The following FYN variants were observed in gnomAD, a reference collection of about 807,000 sequenced individuals.
FYN encodes FYN proto-oncogene, Src family tyrosine kinase, also known as tyrosine-protein kinase Fyn.
FYN carries 10 observed loss-of-function variants against 70.2 expected under a neutral mutation model. The ratio of observed to expected loss-of-function variants is 0.14; its 90% CI spans 0.09 to 0.24. FYN has a LOEUF of 0.24. Among genes scored for constraint, FYN ranks in the 10% least tolerant of loss-of-function variants. The probability of loss-of-function intolerance (pLI) is 1.00; values close to 1 mark genes in which losing one functional copy is unlikely to be tolerated. For missense variants in FYN, 319 were observed against 673.1 expected (o/e 0.47, Z 5.82); for synonymous variants, 236 against 248.6 (o/e 0.95, Z 0.48).
At chr6:111,729,491 G>C (rs11153315) in intron 3 of FYN, among the ~76,000 whole-genome samples, 7 of 148,848 alleles carry the variant, frequency 4.7e-5, no homozygotes, top group Admixed American at 4.0e-4. Flanking sequence ...AAAAAAAGGG[G>C]GTCGGGGGTG....
intron 3 of FYN, among the ~76,000 whole-genome samples, chr6:111,757,782 A>G (rs1802805152): frequency 6.6e-6 from 1 of 152,236 alleles, no homozygotes; most frequent in Admixed American, 6.5e-5. Flanking sequence ...ACAGGATGTC[A>G]TTTAAATTCT....
At chr6:111,842,711 G>A (rs1193000451) in intron 2 of FYN, among the ~76,000 whole-genome samples, 3 of 152,168 alleles carry the variant, frequency 2.0e-5, no homozygotes, top group Non-Finnish European at 2.9e-5. Flanking sequence ...TGCGGACATG[G>A]CTTTAAAGCT....
At chr6:111,679,328 T>C (rs1434023248) in intron 12 of FYN, among the ~76,000 whole-genome samples, 2 of 152,186 alleles carry the variant, frequency 1.3e-5, no homozygotes, top group South Asian at 2.1e-4. Flanking sequence ...TTTGTAGTTG[T>C]CACTACTTTT....
rs141175881 is a variant in FYN, at chr6:111,772,409, G to C, written c.-12+8157C>G. Among the ~76,000 whole-genome samples, 758 of 152,278 alleles carry C rather than the reference G, an allele frequency of 5.0e-3. 1 individual carries two copies. The highest frequency in any genetic ancestry group is 0.024 in the Middle Eastern group (7 of 294). On this transcript the variant is annotated intron_variant, in intron 3 of 13. Transcript: ENST00000354650. Reference sequence around the variant, plus strand: ...ACTCAAGCCACTGGATGAAAGGAAGGCTGGAGCAGGATGTTCACAAATGAC... The same window carrying C: ...ACTCAAGCCACTGGATGAAAGGAAGCCTGGAGCAGGATGTTCACAAATGAC...
chr6:111,842,172 G>A (rs1470038831), intron 2 of FYN, among the ~76,000 whole-genome samples: 1 of 152,196 alleles, frequency 6.6e-6, no homozygotes, highest in Non-Finnish European at 1.5e-5. Context: ...CCAGCAGAAT[G>A]GGTCAATCTG....
rs1032547545 is a variant in FYN, at chr6:111,778,109, G to A, written c.-12+2457C>T. The stretch of plus-strand genomic sequence containing the variant: ...TCGTGGGCCAGACCTGTGGGGCAGC[G>A]TGTCTAATGCTGGCCTAGGTGCACA... On this transcript the variant is annotated intron_variant, in intron 3 of 13. Coordinates refer to ENST00000354650, the MANE Select transcript of FYN (RefSeq NM_002037.5). Among the ~76,000 whole-genome samples, 20 of 152,192 alleles carry A rather than the reference G, an allele frequency of 1.3e-4. No individual in the cohort carries two copies. The South Asian group carries it at 2.9e-3, about 22-fold the overall frequency.
intron 2 of FYN, among the ~76,000 whole-genome samples, chr6:111,839,354 C>T (rs1295508065): frequency 2.6e-5 from 4 of 152,102 alleles, no homozygotes; most frequent in South Asian, 4.2e-4. Flanking sequence ...TCCAGATCTC[C>T]TATGTAGCAT....
In FYN at chr6:111,747,351, G is replaced by A. The variant is rs1392613389; in HGVS notation, c.-11-27289C>T. On this transcript the variant is annotated intron_variant, in intron 3 of 13. Transcript: ENST00000354650. Reference sequence around the variant, plus strand: ...AGGGCTTATTAAGCAGAGCCAAGAGGCAAGTCAAGGAAAGAAGGGAGTTAA... The same window carrying A: ...AGGGCTTATTAAGCAGAGCCAAGAGACAAGTCAAGGAAAGAAGGGAGTTAA... 2.0e-5 allele frequency among the ~76,000 whole-genome samples: 3 copies of A among 152,320 alleles called. No homozygotes were observed. The East Asian group carries it at 5.8e-4, about 29-fold the overall frequency.
intron 8 of FYN, chr6:111,702,674 C>T (rs1023006226): frequency 1.4e-4 from 56 of 403,734 alleles, no homozygotes; most frequent in African/African-American, 6.2e-5. Flanking sequence ...ATAGAATCTT[C>T]GGACAAACAT....
chr6:111,688,757 GC>G (rs1344685317), intron 12 of FYN, among the ~76,000 whole-genome samples: 3 of 152,300 alleles, frequency 2.0e-5, no homozygotes, highest in East Asian at 3.9e-4. Flanking sequence ...AACAAGAGAG[GC>G]AGCGCAGAGG....
chr6:111,870,962 T>A (rs1774254064), intron 1 of FYN, among the ~76,000 whole-genome samples: 1 of 152,228 alleles, frequency 6.6e-6, no homozygotes, highest in African/African-American at 2.4e-5. Flanking sequence ...GCTTTTTTTA[T>A]CGTAAAAAGT....
At chr6:111,688,841 G>A (rs1168126632) in intron 12 of FYN, among the ~76,000 whole-genome samples, 1 of 152,196 alleles carries the variant, frequency 6.6e-6, no homozygotes, top group East Asian at 1.9e-4. Flanking sequence ...GACAGTGGAT[G>A]TGTGACTCCC....
chr6:111,845,472 C>T (rs1404103276), intron 2 of FYN, among the ~76,000 whole-genome samples: 3 of 152,196 alleles, frequency 2.0e-5, no homozygotes, highest in Admixed American at 1.3e-4. Flanking sequence ...GATCACAGGC[C>T]ATCCTGCAGA....
At chr6:111,677,211 TCTC>T (rs889388266) in intron 12 of FYN, among the ~76,000 whole-genome samples, 1 of 152,228 alleles carries the variant, frequency 6.6e-6, no homozygotes, top group Non-Finnish European at 1.5e-5. Flanking sequence ...TTGTCCAACT[TCTC>T]CTGCTTCTTC....
intron 2 of FYN, among the ~76,000 whole-genome samples, chr6:111,803,459 A>T (rs1397378898): frequency 6.6e-6 from 1 of 152,168 alleles, no homozygotes; most frequent in Non-Finnish European, 1.5e-5. Context: ...AGGACTGCAA[A>T]TTATAAAACT....
At chr6:111,826,452 A>G (rs1400034749) in intron 2 of FYN, among the ~76,000 whole-genome samples, 1 of 152,184 alleles carries the variant, frequency 6.6e-6, no homozygotes, top group Non-Finnish European at 1.5e-5. Context: ...AAAGCCTTCA[A>G]AAGGGTAATC....
intron 5 of FYN, among the ~76,000 whole-genome samples, chr6:111,709,365 G>T (rs1800259377): frequency 6.6e-6 from 1 of 152,154 alleles, no homozygotes; most frequent in Non-Finnish European, 1.5e-5. Flanking sequence ...GCTCTCTAAA[G>T]CTGGACTCTC....
chr6:111,754,975 T>C (rs1280498966), intron 3 of FYN, among the ~76,000 whole-genome samples: 1 of 152,006 alleles, frequency 6.6e-6, no homozygotes, highest in Admixed American at 6.6e-5. Flanking sequence ...GCTGTTTTTT[T>C]TTTTTTTTTA....
chr6:111,845,448 C>G (rs1430331528), intron 2 of FYN, among the ~76,000 whole-genome samples: 1 of 152,170 alleles, frequency 6.6e-6, no homozygotes, highest in African/African-American at 2.4e-5. Context: ...CTGAAAAGCC[C>G]GTGACTAGCA....
Sources: allele counts gnomAD v4.1 joint callset (sites outside exome capture counted in the v4.1 genomes callset), GRCh38; gene constraint gnomAD v4.1.1; transcripts MANE v1.5; gene names NCBI Gene and HGNC (gene_info 2026-07-23, HGNC 2026-07-21).